The following DIAPH3 variants were observed in gnomAD, a reference collection of about 807,000 sequenced individuals.
The protein encoded by DIAPH3 is diaphanous related formin 3, also known as protein diaphanous homolog 3.
Under a neutral mutation model 144.3 loss-of-function variants are expected in DIAPH3, and 117 were observed. That is an observed-to-expected ratio of 0.81 (90% CI 0.70 to 0.95). The LOEUF (loss-of-function observed/expected upper bound fraction) is 0.95. DIAPH3 is among the 40% of genes least tolerant of loss of function. The pLI is 0.00. For synonymous variants in DIAPH3, 519 were observed against 488.9 expected (o/e 1.06, Z -0.81); for missense variants, 1,421 against 1,412.7 (o/e 1.01, Z -0.09).
chr13:60,006,383 C>A (rs1033153192), intron 9 of DIAPH3, among the ~76,000 whole-genome samples: 3 of 152,068 alleles, frequency 2.0e-5, no homozygotes, highest in African/African-American at 7.2e-5. Context: ...GGATGGGACC[C>A]CAGTTTTACC....
intron 21 of DIAPH3, among the ~76,000 whole-genome samples, chr13:59,863,851 T>C (rs1410977725): frequency 6.6e-6 from 1 of 152,134 alleles, no homozygotes; most frequent in Non-Finnish European, 1.5e-5. Flanking sequence ...GTCACTAACA[T>C]ACGTGGATGA....
chr13:59,718,207 A>G (rs1228374462), intron 27 of DIAPH3, among the ~76,000 whole-genome samples: 1 of 151,978 alleles, frequency 6.6e-6, no homozygotes. Flanking sequence ...GGTGAGGAAA[A>G]AGCTCAGACT....
intron 18 of DIAPH3, among the ~76,000 whole-genome samples, chr13:59,923,767 C>T (rs998207471): frequency 6.6e-5 from 10 of 152,130 alleles, no homozygotes; most frequent in African/African-American, 2.4e-4. Context: ...TACACCAATG[C>T]CGCCATACTA....
chr13:59,916,726 T>G (rs1028000106), intron 18 of DIAPH3, among the ~76,000 whole-genome samples: 30 of 152,266 alleles, frequency 2.0e-4, no homozygotes, highest in African/African-American at 5.8e-4. Flanking sequence ...AGCAGTACAT[T>G]AACACTTTTA....
At chr13:59,793,239 G>C (rs919744280) in intron 25 of DIAPH3, among the ~76,000 whole-genome samples, 1 of 152,184 alleles carries the variant, frequency 6.6e-6, no homozygotes, top group Middle Eastern at 3.4e-3. Context: ...GTATCTTGTT[G>C]TTCTCCACCC....
chr13:60,123,163 C>G (rs975634036), intron 2 of DIAPH3, among the ~76,000 whole-genome samples: 1 of 152,126 alleles, frequency 6.6e-6, no homozygotes, highest in Non-Finnish European at 1.5e-5. Context: ...CAGATTCCAA[C>G]CTGTCCTTCA....
In DIAPH3 at chr13:59,909,982, T is replaced by C. The variant is rs144207141; in HGVS notation, c.2367+1753A>G. Among the ~76,000 whole-genome samples, 868 of 152,312 alleles carry C rather than the reference T, an allele frequency of 5.7e-3. 8 individuals are homozygous for C. Among genetic ancestry groups the C allele is most frequent in the African/African-American group, 0.02 (815 of 41,566 alleles). ...AAGTAAATTGAAAATATCTGCAAAT[T>C]TGAGCAGTCTTCTTGAATCACTAGA... is the stretch of plus-strand genomic sequence containing the variant. On this transcript the variant is annotated intron_variant, in intron 20 of 27. Coordinates refer to ENST00000400324, the MANE Select transcript of DIAPH3 (RefSeq NM_001042517.2).
chr13:60,040,097 C>T (rs2670483), intron 5 of DIAPH3, among the ~76,000 whole-genome samples: 12 of 151,160 alleles, frequency 7.9e-5, no homozygotes, highest in Admixed American at 4.0e-4. Context: ...TAGCCAGGTG[C>T]GCACCTGTAA....
At chr13:60,071,933 C>T (rs1437651402) in intron 4 of DIAPH3, among the ~76,000 whole-genome samples, 1 of 152,100 alleles carries the variant, frequency 6.6e-6, no homozygotes, top group Non-Finnish European at 1.5e-5. Context: ...ACCACTCACC[C>T]TCTCACCCAA....
intron 17 of DIAPH3, among the ~76,000 whole-genome samples, chr13:59,947,474 T>A (rs182640853): frequency 3.2e-4 from 48 of 152,330 alleles, no homozygotes; most frequent in African/African-American, 1.1e-3. Context: ...ATTTTTGATG[T>A]GTTACAATCA....
At chr13:60,042,870 C>T in intron 4 of DIAPH3, 50 bp from the exon 5 acceptor site, 3 of 1,598,648 alleles carry the variant, frequency 1.9e-6, no homozygotes, top group Non-Finnish European at 1.7e-6. Flanking sequence ...TGGAGATTAC[C>T]CATTAAAAAA....
intron 1 of DIAPH3, among the ~76,000 whole-genome samples, chr13:60,149,970 C>T (rs768079955): frequency 2.6e-4 from 40 of 152,036 alleles, no homozygotes; most frequent in Non-Finnish European, 4.7e-4. Context: ...AGGGAATTTC[C>T]CCTTTGTACT....
chr13:59,806,684 T>C (rs1459676969), intron 25 of DIAPH3, among the ~76,000 whole-genome samples: 2 of 151,932 alleles, frequency 1.3e-5, no homozygotes, highest in East Asian at 1.9e-4. Context: ...AGCAGGAACC[T>C]TTTTATTCTT....
chr13:60,161,815 C>T, intron 1 of DIAPH3, among the ~76,000 whole-genome samples: 1 of 151,852 alleles, frequency 6.6e-6, no homozygotes, highest in Non-Finnish European at 1.5e-5. Flanking sequence ...ATCAAGAATG[C>T]CCAGACAGAT....
chr13:60,149,714 C>A (rs1951695752), intron 1 of DIAPH3, among the ~76,000 whole-genome samples: 1 of 139,956 alleles, frequency 7.1e-6, no homozygotes, highest in Non-Finnish European at 1.5e-5. Context: ...GATTGTACCA[C>A]TGCACGCCAG....
At position 60,006,446 on chromosome 13, in the gene DIAPH3, G is replaced by A. The variant is rs542005355; in HGVS notation, c.1014+2098C>T. ...AATAATTATAGATTCATAGATAGTT[G>A]CAAAAAAAAATCAGATAAAGTAATG... On this transcript the variant is annotated intron_variant, in intron 9 of 27. Transcript: ENST00000400324. 4.5e-4 allele frequency among the ~76,000 whole-genome samples: 68 copies of A among 151,726 alleles called. 2 individuals carry two copies. The South Asian group carries it at 0.014, about 31-fold the overall frequency.
At chr13:60,021,865 G>GGACA (rs1402736637) in intron 5 of DIAPH3, among the ~76,000 whole-genome samples, 1 of 152,024 alleles carries the variant, frequency 6.6e-6, no homozygotes, top group Non-Finnish European at 1.5e-5. Flanking sequence ...TAACCCAAAT[G>GGACA]GACAAGCAAA....
At position 60,015,936 on chromosome 13, in the gene DIAPH3, G is replaced by C; in HGVS notation, c.748C>G (p.Leu250Val). Residue 250 changes from leucine (L) to valine (V), a missense_variant, in exon 7 of 28, where the codon CTA (leucine) becomes GTA (valine). Transcript: ENST00000400324. ...KKNQHKVIQC[L>V]KALMNTQYGL... ...ACCTGCGTATTCATCAGGGCTTTTA[G>C]ACACTGTATGACTTTATGTTGATTT... 1.2e-6 allele frequency: 2 copies of C among 1,613,154 alleles called. No homozygotes were observed. The highest frequency in any genetic ancestry group is 1.7e-6 in the Non-Finnish European group (2 of 1,179,694).
At chr13:59,762,118 G>A (rs1295959944) in intron 27 of DIAPH3, among the ~76,000 whole-genome samples, 1 of 141,260 alleles carries the variant, frequency 7.1e-6, no homozygotes, top group Non-Finnish European at 1.5e-5. Context: ...AAGTGCAGTG[G>A]CGCGATCTCA....
Sources: gnomAD v4.1 joint callset for allele counts (sites outside exome capture counted in the v4.1 genomes callset) on GRCh38, gnomAD v4.1.1 for gene constraint, MANE v1.5 for transcripts, NCBI Gene and HGNC (gene_info 2026-07-23, HGNC 2026-07-21) for gene names.